The following ZFHX3 variants were observed in gnomAD, a reference collection of about 807,000 sequenced individuals.
ZFHX3 encodes the protein zinc finger homeobox 3, also known as zinc finger homeobox protein 3.
In ZFHX3, 42 loss-of-function variants were observed where a neutral mutation model predicts 279.1. That is an observed-to-expected ratio of 0.15 (90% CI 0.12 to 0.19). ZFHX3 has a LOEUF of 0.19. Ranked by LOEUF, ZFHX3 falls within the 10% of genes least tolerant of loss-of-function variation. The pLI, the probability that ZFHX3 is intolerant of heterozygous loss-of-function variation, is 1.00. For missense variants in ZFHX3, 4,981 were observed against 4,754.0 expected, an observed-to-expected ratio of 1.05 and a Z score of -1.40; for synonymous variants, 2,293 against 1,957.8, an observed-to-expected ratio of 1.17 and a Z score of -4.52.
At chr16:73,106,188 T>C (rs1206100187) in intron 7 of ZFHX3, among the ~76,000 whole-genome samples, 1 of 152,100 alleles carries the variant, frequency 6.6e-6, no homozygotes, top group Non-Finnish European at 1.5e-5. Context: ...GAGCGCAAGA[T>C]CTAGGAGCAA....
intron 4 of ZFHX3, among the ~76,000 whole-genome samples, chr16:73,278,492 C>G (rs749501638): frequency 2.0e-5 from 3 of 152,148 alleles, no homozygotes; most frequent in Admixed American, 6.5e-5. Context: ...CTAAAGATGG[C>G]ACAGACCCAA....
At chr16:73,138,450 A>T in intron 6 of ZFHX3, among the ~76,000 whole-genome samples, 1 of 152,168 alleles carries the variant, frequency 6.6e-6, no homozygotes, top group East Asian at 1.9e-4. Context: ...GAGCTGTGAG[A>T]TATGCCAGGG....
Position 73,317,584 on chromosome 16 carries a change from C to T in ZFHX3, c.-1194+656G>A, listed in dbSNP as rs529246321. 9.8e-4 allele frequency among the ~76,000 whole-genome samples: 149 copies of T among 152,204 alleles called. 1 individual carries two copies. The highest frequency in any genetic ancestry group is 1.3e-3 in the Non-Finnish European group (86 of 68,018). ...GAAGAAATTAAACCCTGTCTCAAGC[C>T]GACCAGCGGTTGCTGTGATTGCATC... is the stretch of plus-strand genomic sequence containing the variant. On this transcript the variant is annotated intron_variant, in intron 4 of 17. Transcript: ENST00000641206.
intron 2 of ZFHX3, among the ~76,000 whole-genome samples, chr16:73,475,345 A>C (rs2143612933): frequency 6.6e-6 from 1 of 152,312 alleles, no homozygotes; most frequent in Admixed American, 6.5e-5. Context: ...GTTTCCATGA[A>C]AGCAAAATGA....
rs796194266 is a variant in ZFHX3, at chr16:73,543,506, C to T, written c.-1546-87248G>A. ...CCTGGCTCTGTGTTATTTAGAAACC[C>T]CTGGTAATTAGCAGCGGGGAGATGT... On this transcript the variant is annotated intron_variant, in intron 2 of 17. Transcript: ENST00000641206. 4.5e-4 allele frequency among the ~76,000 whole-genome samples: 69 copies of T among 152,152 alleles called. 1 individual carries two copies. Among genetic ancestry groups the T allele is most frequent in the African/African-American group, 1.6e-3 (67 of 41,488 alleles).
intron 1 of ZFHX3, among the ~76,000 whole-genome samples, chr16:73,846,210 A>T (rs1033810445): frequency 6.6e-6 from 1 of 152,212 alleles, no homozygotes; most frequent in African/African-American, 2.4e-5. Flanking sequence ...CAAAGAGTGA[A>T]TTTGACTGTA....
intron 1 of ZFHX3, among the ~76,000 whole-genome samples, chr16:73,017,162 G>A (rs1964130981): frequency 6.6e-6 from 1 of 151,688 alleles, no homozygotes; most frequent in Admixed American, 6.6e-5. Flanking sequence ...AGCCTTGGGA[G>A]GTTGAGGCTG....
intron 2 of ZFHX3, among the ~76,000 whole-genome samples, chr16:73,654,807 T>C (rs952527745): frequency 6.7e-6 from 1 of 149,398 alleles, no homozygotes; most frequent in Non-Finnish European, 1.5e-5. Context: ...TTAAAATAAT[T>C]TTTTAAAAAA....
intron 5 of ZFHX3, among the ~76,000 whole-genome samples, chr16:73,228,863 A>C (rs774166598): frequency 1.5e-4 from 23 of 152,190 alleles, no homozygotes; most frequent in Non-Finnish European, 3.4e-4. Flanking sequence ...TAAGCGTAAT[A>C]AACAGGAGAT....
At chr16:72,863,727 A>G (rs765688310) in intron 4 of ZFHX3, among the ~76,000 whole-genome samples, 50 of 151,996 alleles carry the variant, frequency 3.3e-4, no homozygotes, top group African/African-American at 1.7e-4. Flanking sequence ...ACTTGTGGAT[A>G]TGTTTGAAAT....
At chr16:73,035,448 A>G (rs984285080) in intron 1 of ZFHX3, among the ~76,000 whole-genome samples, 1 of 152,226 alleles carries the variant, frequency 6.6e-6, no homozygotes, top group Non-Finnish European at 1.5e-5. Flanking sequence ...TGTCTTGAAC[A>G]TCTCCCTAAA....
Position 73,852,357 on chromosome 16 carries a change from T to C in ZFHX3, c.-1608+39294A>G, listed in dbSNP as rs137924740. 7.1e-3 allele frequency among the ~76,000 whole-genome samples: 1,083 copies of C among 152,338 alleles called. 18 individuals are homozygous for C. The highest frequency in any genetic ancestry group is 0.025 in the African/African-American group (1,024 of 41,572). On this transcript the variant is annotated intron_variant, in intron 1 of 17. Coordinates refer to the ZFHX3 transcript ENST00000641206. The stretch of plus-strand genomic sequence containing the variant: ...GTCTGACTTCTTATATTTTCCAATG[T>C]GGTTGTCCTGAGCATTTTCATGTTA...
intron 1 of ZFHX3, among the ~76,000 whole-genome samples, chr16:73,810,545 T>C (rs1440178932): frequency 6.6e-6 from 1 of 152,222 alleles, no homozygotes; most frequent in Admixed American, 6.5e-5. Context: ...TTTACAGCAC[T>C]TTATAGAGAG....
At chr16:73,415,219 T>G (rs796948038) in intron 3 of ZFHX3, among the ~76,000 whole-genome samples, 13 of 152,340 alleles carry the variant, frequency 8.5e-5, no homozygotes, top group African/African-American at 3.1e-4. Context: ...ATTTAAAATA[T>G]CAATACGAAG....
intron 2 of ZFHX3, among the ~76,000 whole-genome samples, chr16:73,539,962 A>G (rs2019982276): frequency 1.3e-5 from 2 of 152,228 alleles, no homozygotes; most frequent in African/African-American, 4.8e-5. Flanking sequence ...GTAGGAATTT[A>G]GACTCTGCTA....
intron 2 of ZFHX3, chr16:73,543,885 G>GGGGAGAGAGAGAGAGAGAGA (rs1555523939): frequency 1.6e-4 from 22 of 136,454 alleles, no homozygotes; most frequent in African/African-American, 4.0e-4. Context: ...AGCGAGAGAG[G>GGGGAGAGAGAGAGAGAGAGA]GAGAGAGAGA....
At chr16:73,781,673 A>G (rs1272773120) in intron 1 of ZFHX3, among the ~76,000 whole-genome samples, 6 of 152,160 alleles carry the variant, frequency 3.9e-5, no homozygotes, top group African/African-American at 1.2e-4. Context: ...GGAAGAAACC[A>G]TCTTTAACTT....
intron 1 of ZFHX3, among the ~76,000 whole-genome samples, chr16:73,786,426 G>A (rs1959648888): frequency 6.6e-6 from 1 of 152,136 alleles, no homozygotes; most frequent in South Asian, 2.1e-4. Flanking sequence ...TGGAAGCTCT[G>A]TGTTGTGTTG....
chr16:73,807,290 T>C (rs569314927), intron 1 of ZFHX3, among the ~76,000 whole-genome samples: 1 of 152,322 alleles, frequency 6.6e-6, no homozygotes, highest in East Asian at 1.9e-4. Flanking sequence ...ACCAGTACCT[T>C]TTGACTGATT....
Sources: allele counts gnomAD v4.1 joint callset (sites outside exome capture counted in the v4.1 genomes callset), GRCh38; gene constraint gnomAD v4.1.1; transcripts MANE v1.5; gene names NCBI Gene and HGNC (gene_info 2026-07-23, HGNC 2026-07-21).